NET1: variants seen among roughly 807,000 people sequenced by gnomAD.
NET1 encodes the protein neuroepithelial cell-transforming gene 1 protein.
A neutral mutation model predicts 61.1 loss-of-function variants in NET1; 42 were observed. That is an observed-to-expected ratio of 0.69 (90% CI 0.54 to 0.89). The LOEUF (loss-of-function observed/expected upper bound fraction) is 0.89. Ranked by LOEUF, NET1 falls within the 40% of genes least tolerant of loss-of-function variation. The pLI is 0.00. For synonymous variants in NET1, 254 were observed against 281.8 expected, an observed-to-expected ratio of 0.90 and a Z score of 0.99; for missense variants, 654 against 747.3, an observed-to-expected ratio of 0.88 and a Z score of 1.46.
rs1175202014 is a variant in NET1, at chr10:5,431,835, C to T, written c.255+2606C>T. ...GCCAGGAAGGCCTCAAATTCCTAGT[C>T]TCAAGCAGTGCTCCTACCTCGGCCT... is the stretch of plus-strand genomic sequence containing the variant. On this transcript the variant is annotated intron_variant, in intron 3 of 11. Coordinates refer to ENST00000355029, the MANE Select transcript of NET1 (RefSeq NM_001047160.3). This position sits in a 1 kb window ranked among gnomAD's most constrained non-coding sequence, Gnocchi z 4.9. Among the ~76,000 whole-genome samples, 2 of 152,056 alleles carry T rather than the reference C, an allele frequency of 1.3e-5. No homozygotes were observed. The highest frequency in any genetic ancestry group is 3.9e-4 in the East Asian group (2 of 5,180).
Position 5,412,594 on chromosome 10 carries a change from T to C in NET1, c.-99T>C. ...GACGGCGGTGGCGGCTGCAGTCCGC[T>C]GACAGGCGCTTTCTGCCTGGCAGAG... On this transcript the variant is annotated 5_prime_UTR_variant, in exon 1 of 12. An upstream open reading frame in the 5' UTR loses its in-frame stop. Transcript: ENST00000355029. This position sits in a 1 kb window ranked among gnomAD's most constrained non-coding sequence, Gnocchi z 6.5. 1.5e-6 allele frequency: 2 copies of C among 1,317,430 alleles called. No individual in the cohort carries two copies. The highest frequency in any genetic ancestry group is 2.0e-6 in the Non-Finnish European group (2 of 1,011,110). 81.6% of individuals were successfully genotyped at this position (1,317,430 alleles called of 1,614,324 possible).
intron 2 of NET1, 30 bp from the exon 3 acceptor site, chr10:5,429,140 A>G (rs1832308400): frequency 2.0e-6 from 3 of 1,493,490 alleles, no homozygotes; most frequent in African/African-American, 2.8e-5. Flanking sequence ...TTCCTTTTAT[A>G]TGAGAATGAA....
At chr10:5,442,877 TAAAAAAAA>T (rs11377037) in intron 3 of NET1, among the ~76,000 whole-genome samples, 1 of 141,600 alleles carries the variant, frequency 7.1e-6, no homozygotes, top group African/African-American at 2.6e-5. Flanking sequence ...ACCCTGTCTT[TAAAAAAAA>T]AAAAAAAGAA....
chr10:5,418,010 G>T (rs2119164420), intron 1 of NET1, among the ~76,000 whole-genome samples: 1 of 151,986 alleles, frequency 6.6e-6, no homozygotes, highest in Non-Finnish European at 1.5e-5. Context: ...GTCCTGCTTG[G>T]TCATTGTGTA....
Position 5,454,359 on chromosome 10 carries a change from A to C in NET1, c.863A>C (p.Asp288Ala). The change falls in exon 9 of 12, where the codon GAC (aspartate) becomes GCC (alanine). Residue 288 changes from aspartate (D) to alanine (A), a missense_variant. Physicochemically the swap from Asp to Ala is moderately radical, Grantham distance 126. Coordinates refer to ENST00000355029, the MANE Select transcript of NET1 (RefSeq NM_001047160.3). The surrounding 1 kb of genome is among the most constrained non-coding windows in gnomAD (Gnocchi z 8.1). ...DQKKQDPRVQ[D>A]FLQRCLESPF... is the part of the protein sequence containing the mutation. ...AAGAAACAGGATCCAAGAGTCCAAG[A>C]CTTCCTCCAGCGATGTCTCGAGTCT... 6.2e-7 allele frequency: 1 copy of C among 1,614,200 alleles called. No individual in the cohort carries two copies. The highest frequency in any genetic ancestry group is 1.1e-5 in the South Asian group (1 of 91,084).
At chr10:5,450,005 C>G (rs1832678832) in intron 3 of NET1, among the ~76,000 whole-genome samples, 1 of 152,156 alleles carries the variant, frequency 6.6e-6, no homozygotes, top group African/African-American at 2.4e-5. Context: ...ACAGGAGACT[C>G]TTTGTGCTGT....
chr10:5,429,719 CAT>C (rs1446929301), intron 3 of NET1, among the ~76,000 whole-genome samples: 2 of 152,166 alleles, frequency 1.3e-5, no homozygotes, highest in African/African-American at 4.8e-5. Flanking sequence ...AAGTATGTGA[CAT>C]AGAATAAACT....
In NET1 at chr10:5,437,252, A is replaced by T. The variant is rs1832451758; in HGVS notation, c.255+8023A>T. ...TTTTATTTATCTATTTTCATACAGT[A>T]TGTGTAATGACTACAGATATATGAT... On this transcript the variant is annotated intron_variant, in intron 3 of 11. Transcript: ENST00000355029. The surrounding 1 kb of genome is among the most constrained non-coding windows in gnomAD (Gnocchi z 4.3). Among the ~76,000 whole-genome samples the T allele has an allele frequency of 6.6e-6, 1 of 152,092 alleles. No individual in the cohort carries two copies. The highest frequency in any genetic ancestry group is 1.5e-5 in the Non-Finnish European group (1 of 68,014).
At chr10:5,450,569 TG>T (rs1357359990) in intron 3 of NET1, among the ~76,000 whole-genome samples, 4 of 152,132 alleles carry the variant, frequency 2.6e-5, no homozygotes, top group African/African-American at 9.7e-5. Context: ...TAGAAAAAGT[TG>T]CTTCTTCTGT....
In NET1 at chr10:5,446,433, T is replaced by C. The variant is rs931504442; in HGVS notation, c.256-5397T>C. On this transcript the variant is annotated intron_variant, in intron 3 of 11. Transcript: ENST00000355029. The surrounding 1 kb of genome is among the most constrained non-coding windows in gnomAD (Gnocchi z 5.0). Reference sequence around the variant, plus strand: ...ATGCATTTTAAATCAGGAAGAGAAGTTTCTGTCCTACTTGAACCCAGCTTC... The same window carrying C: ...ATGCATTTTAAATCAGGAAGAGAAGCTTCTGTCCTACTTGAACCCAGCTTC... 7.0e-6 allele frequency: 2 copies of C among 287,258 alleles called. No homozygotes were observed. The highest frequency in any genetic ancestry group is 1.0e-5 in the Non-Finnish European group (2 of 191,506). 17.8% of individuals were successfully genotyped at this position (287,258 alleles called of 1,614,324 possible).
At position 5,427,510 on chromosome 10, in the gene NET1, C is replaced by T. The variant is rs1170158402; in HGVS notation, c.195+789C>T. Among the ~76,000 whole-genome samples the T allele has an allele frequency of 1.3e-5, 2 of 152,058 alleles. No homozygotes were observed. Among genetic ancestry groups the T allele is most frequent in the African/African-American group, 2.4e-5 (1 of 41,384 alleles). On this transcript the variant is annotated intron_variant, in intron 2 of 11. Coordinates refer to ENST00000355029, the MANE Select transcript of NET1 (RefSeq NM_001047160.3). This position sits in a 1 kb window ranked among gnomAD's most constrained non-coding sequence, Gnocchi z 4.1. The stretch of plus-strand genomic sequence containing the variant: ...CATATGTATCCTTCTATATTTTGCT[C>T]ATATCATTAATATACACAAAGAGGC...
In NET1 at chr10:5,420,214, A is replaced by G. The variant is rs763472884; in HGVS notation, c.129-6441A>G. 3.9e-5 allele frequency among the ~76,000 whole-genome samples: 6 copies of G among 152,240 alleles called. No individual in the cohort carries two copies. The highest frequency in any genetic ancestry group is 6.5e-5 in the Admixed American group (1 of 15,286). On this transcript the variant is annotated intron_variant, in intron 1 of 11. Transcript: ENST00000355029. The surrounding 1 kb of genome is among the most constrained non-coding windows in gnomAD (Gnocchi z 5.3). The stretch of plus-strand genomic sequence containing the variant: ...GCAAATATTTAAACCAAGCAGTTCT[A>G]CCCACAGAAATTTATCTTAAAGTAA...
chr10:5,449,495 G>A lies in NET1; in HGVS notation c.256-2335G>A, dbSNP rs191340849. Among the ~76,000 whole-genome samples the A allele has an allele frequency of 2.1e-4, 32 of 152,234 alleles. No homozygotes were observed. The highest frequency in any genetic ancestry group is 7.5e-4 in the African/African-American group (31 of 41,540). ...TATAGTTGGATTTTTAAAGGACTGTGGAACATATTTAACCACCAAATACCA... is the reference window on the plus strand; with the variant it reads ...TATAGTTGGATTTTTAAAGGACTGTAGAACATATTTAACCACCAAATACCA... On this transcript the variant is annotated intron_variant, in intron 3 of 11. Transcript: ENST00000355029. The surrounding 1 kb of genome is among the most constrained non-coding windows in gnomAD (Gnocchi z 4.4).
Position 5,426,212 on chromosome 10 carries a change from T to A in NET1, c.129-443T>A, listed in dbSNP as rs181254924. On this transcript the variant is annotated intron_variant, in intron 1 of 11. Coordinates refer to ENST00000355029, the MANE Select transcript of NET1 (RefSeq NM_001047160.3). This position sits in a 1 kb window ranked among gnomAD's most constrained non-coding sequence, Gnocchi z 4.6. ...GGATTTACATGAAATGCAGATAATG[T>A]GAAGTTAGGTTTTGTTAAGAGTATC... 3.3e-5 allele frequency among the ~76,000 whole-genome samples: 5 copies of A among 152,322 alleles called. No homozygotes were observed. Among genetic ancestry groups the A allele is most frequent in the Non-Finnish European group, 7.4e-5 (5 of 68,004 alleles).
At position 5,426,535 on chromosome 10, in the gene NET1, G is replaced by A; in HGVS notation, c.129-120G>A. On this transcript the variant is annotated intron_variant, in intron 1 of 11. Transcript: ENST00000355029. The surrounding 1 kb of genome is among the most constrained non-coding windows in gnomAD (Gnocchi z 4.6). ...ATCTCTCATATTACTAAGATTGAAT[G>A]ACAAATCAGGCCACTTTAAACGGTT... 1.5e-6 allele frequency: 1 copy of A among 653,758 alleles called. No individual in the cohort carries two copies. Among genetic ancestry groups the A allele is most frequent in the Non-Finnish European group, 2.6e-6 (1 of 382,830 alleles). The allele number at this position is 653,758 out of a possible 1,614,324, so 40.5% of individuals were successfully genotyped here.
Position 5,453,105 on chromosome 10 carries a change from G to A in NET1, c.595-145G>A. ...AGTATTAGTAAGAGAGTTTATTTGG[G>A]GATTAATACATACTAATTTATTTTA... On this transcript the variant is annotated intron_variant, in intron 6 of 11. Coordinates refer to ENST00000355029, the MANE Select transcript of NET1 (RefSeq NM_001047160.3). This position sits in a 1 kb window ranked among gnomAD's most constrained non-coding sequence, Gnocchi z 4.9. 1.4e-6 allele frequency: 1 copy of A among 722,126 alleles called. No homozygotes were observed. The highest frequency in any genetic ancestry group is 1.7e-5 in the South Asian group (1 of 58,646). The allele number at this position is 722,126 out of a possible 1,614,324, so 44.7% of individuals were successfully genotyped here.
intron 1 of NET1, among the ~76,000 whole-genome samples, chr10:5,413,575 A>G (rs1832036543): frequency 6.6e-6 from 1 of 152,230 alleles, no homozygotes; most frequent in Non-Finnish European, 1.5e-5. Flanking sequence ...AAATGAAGAA[A>G]GAATTTCAAG....
In NET1 at chr10:5,457,108, T is replaced by G; in HGVS notation, c.*114T>G. On this transcript the variant is annotated 3_prime_UTR_variant, in exon 12 of 12. Transcript: ENST00000355029. This position sits in a 1 kb window ranked among gnomAD's most constrained non-coding sequence, Gnocchi z 5.4. ...TTACTTTATACCAGTTGTAACATTT[T>G]CATTGTTTTTGGTTGTTCTTTTTTC... 2 of 1,066,202 alleles carry G rather than the reference T, an allele frequency of 1.9e-6. No homozygotes were observed. The highest frequency in any genetic ancestry group is 2.5e-6 in the Non-Finnish European group (2 of 789,632). 66.0% of individuals were successfully genotyped at this position (1,066,202 alleles called of 1,614,324 possible). A position where few individuals can be genotyped will look rare whatever the true frequency, so the allele number is the denominator to read the frequency against.
At position 5,429,216 on chromosome 10, in the gene NET1, G is replaced by A; in HGVS notation, c.242G>A (p.Ser81Asn). The A allele has an allele frequency of 1.9e-6, 3 of 1,608,454 alleles. No homozygotes were observed. The highest frequency in any genetic ancestry group is 2.5e-6 in the Non-Finnish European group (3 of 1,176,964). ...EKDDDVVSLS[S>N]LDLKEPSNKR... ...GATGATGATGTTGTAAGCCTTAGCA[G>A]CCTTGATCTGAAGGTAAGCCCTGCT... is the stretch of plus-strand genomic sequence containing the variant. Residue 81 changes from serine to asparagine, a missense_variant, in exon 3 of 12, where the codon AGC (serine) becomes AAC (asparagine). Transcript: ENST00000355029.
Sources: gnomAD v4.1 joint callset for allele counts (sites outside exome capture counted in the v4.1 genomes callset) on GRCh38, gnomAD v4.1.1 for gene constraint, Gnocchi (gnomAD v3.1) non-coding constraint, MANE v1.5 for transcripts, NCBI Gene and HGNC (gene_info 2026-07-23, HGNC 2026-07-21) for gene names.